The following NAV3 variants were observed in gnomAD, a reference collection of about 807,000 sequenced individuals.
NAV3 encodes the protein neuron navigator 3.
Under a neutral mutation model 244.7 loss-of-function variants are expected in NAV3, and 87 were observed. The observed-to-expected ratio is 0.36, with a 90% CI of 0.30 to 0.42. The LOEUF (loss-of-function observed/expected upper bound fraction) is 0.42. NAV3 is among the 20% of genes least tolerant of loss of function. The probability of loss-of-function intolerance (pLI) is 1.00; values close to 1 mark genes in which losing one functional copy is unlikely to be tolerated. For missense variants in NAV3, 2,663 were observed against 2,893.3 expected (o/e 0.92, Z 1.83); for synonymous variants, 1,126 against 1,042.2 (o/e 1.08, Z -1.55).
At chr12:77,888,265 A>G (rs959819763) in intron 1 of NAV3, among the ~76,000 whole-genome samples, 1 of 152,056 alleles carries the variant, frequency 6.6e-6, no homozygotes, top group Non-Finnish European at 1.5e-5. Flanking sequence ...CAGGGGGATT[A>G]CTTGAGACCA....
intron 2 of NAV3, among the ~76,000 whole-genome samples, chr12:77,609,771 G>A (rs963020165): frequency 6.6e-5 from 10 of 151,992 alleles, no homozygotes; most frequent in African/African-American, 2.4e-4. Flanking sequence ...CCATCATTCA[G>A]ATACTGCCTT....
intron 18 of NAV3, among the ~76,000 whole-genome samples, chr12:78,131,970 C>A (rs1235777676): frequency 1.3e-5 from 2 of 152,132 alleles, no homozygotes; most frequent in Non-Finnish European, 2.9e-5. Flanking sequence ...AAAAGACATT[C>A]ACAGATTGTG....
At chr12:77,632,256 G>T (rs983270410) in intron 2 of NAV3, among the ~76,000 whole-genome samples, 3 of 152,086 alleles carry the variant, frequency 2.0e-5, no homozygotes, top group African/African-American at 7.2e-5. Context: ...TTGTAAAAAA[G>T]TTTAATATTA....
At chr12:78,129,576 ATAAT>A (rs1187958690) in intron 18 of NAV3, among the ~76,000 whole-genome samples, 1 of 152,204 alleles carries the variant, frequency 6.6e-6, no homozygotes, top group Non-Finnish European at 1.5e-5. Flanking sequence ...GAGTAACAAA[ATAAT>A]TAAAGAAAAC....
intron 38 of NAV3, among the ~76,000 whole-genome samples, chr12:78,201,457 C>T (rs551520133): frequency 1.3e-5 from 2 of 152,008 alleles, no homozygotes; most frequent in Non-Finnish European, 2.9e-5. Context: ...GTCTTTTGAT[C>T]TATGACAGAT....
intron 2 of NAV3, among the ~76,000 whole-genome samples, chr12:77,685,849 A>G (rs2137134491): frequency 6.6e-6 from 1 of 152,352 alleles, no homozygotes; most frequent in East Asian, 1.9e-4. Context: ...AACACAATGA[A>G]TACATTTTGC....
chr12:77,751,791 A>G (rs965649448), intron 2 of NAV3, among the ~76,000 whole-genome samples: 5 of 152,224 alleles, frequency 3.3e-5, no homozygotes, highest in South Asian at 4.1e-4. Context: ...AAATTACACA[A>G]TACAATTTAC....
intron 2 of NAV3, among the ~76,000 whole-genome samples, chr12:77,592,615 C>A (rs916924711): frequency 6.6e-6 from 1 of 152,148 alleles, no homozygotes; most frequent in African/African-American, 2.4e-5. Context: ...CATATTATGT[C>A]CTGCAGCTTA....
chr12:78,160,749 T>C (rs1333465168), intron 23 of NAV3, among the ~76,000 whole-genome samples: 1 of 152,076 alleles, frequency 6.6e-6, no homozygotes, highest in African/African-American at 2.4e-5. Flanking sequence ...ATATTCTCCG[T>C]ATACCCTGCC....
In NAV3 at chr12:77,789,939, C is replaced by T. The variant is rs574252614; in HGVS notation, c.73-150380C>T. ...TGCCACATTCAAAGCTGTCCTGGGC[C>T]GAATGTGGGTGGCAGGTTGGAAAAC... On this transcript the variant is annotated intron_variant, in intron 2 of 8. Transcript: ENST00000550042. Among the ~76,000 whole-genome samples, 10 of 151,900 alleles carry T rather than the reference C, an allele frequency of 6.6e-5. No homozygotes were observed. In the South Asian group the frequency reaches 8.3e-4, roughly 13 times the overall value.
In NAV3 at chr12:77,966,416, T is replaced by C. The variant is rs970201060; in HGVS notation, c.487+115T>C. ...CGTCTCCTTAATATGATAAAGGAAA[T>C]TGGTGAAGTCTTCAAGACAACCGAA... On this transcript the variant is annotated intron_variant, in intron 4 of 39. Coordinates refer to ENST00000397909, the MANE Select transcript of NAV3 (RefSeq NM_001024383.2). 21 of 822,680 alleles carry C rather than the reference T, an allele frequency of 2.6e-5. No homozygotes were observed. In the African/African-American group the frequency reaches 3.3e-4, roughly 13 times the overall value. The allele number at this position is 822,680 out of a possible 1,614,324, so 51.0% of individuals were successfully genotyped here. A position where few individuals can be genotyped will look rare whatever the true frequency, so the allele number is the denominator to read the frequency against.
intron 1 of NAV3, among the ~76,000 whole-genome samples, chr12:77,873,503 A>G (rs1223144034): frequency 6.6e-6 from 1 of 151,472 alleles, no homozygotes; most frequent in Non-Finnish European, 1.5e-5. Flanking sequence ...TCATAATTTG[A>G]CTATTTTAAT....
chr12:78,042,351 G>T (rs563772235), intron 9 of NAV3, among the ~76,000 whole-genome samples: 7 of 152,242 alleles, frequency 4.6e-5, no homozygotes, highest in African/African-American at 1.7e-4. Flanking sequence ...AAACATTTTG[G>T]GTTTAGATGC....
At chr12:77,637,208 CAA>C (rs111499697) in intron 2 of NAV3, among the ~76,000 whole-genome samples, 6 of 147,062 alleles carry the variant, frequency 4.1e-5, no homozygotes, top group Admixed American at 3.4e-4. Flanking sequence ...ATGCTTGTGA[CAA>C]AAAAAAAATG....
chr12:77,653,226 G>A (rs1334986367), intron 2 of NAV3, among the ~76,000 whole-genome samples: 2 of 152,214 alleles, frequency 1.3e-5, no homozygotes, highest in Non-Finnish European at 2.9e-5. Flanking sequence ...TGCTTTGGCT[G>A]TTCAAGAGCA....
intron 1 of NAV3, among the ~76,000 whole-genome samples, chr12:77,901,994 G>A (rs906960712): frequency 6.6e-6 from 1 of 152,114 alleles, no homozygotes. Context: ...GAAGATATAG[G>A]AATTTAATAA....
chr12:77,898,759 C>T (rs1315445406), intron 1 of NAV3, among the ~76,000 whole-genome samples: 1 of 152,178 alleles, frequency 6.6e-6, no homozygotes, highest in Non-Finnish European at 1.5e-5. Context: ...TCAACTCTCA[C>T]TCTAAGAAAT....
At chr12:77,930,832 G>A (rs1318010799) in intron 1 of NAV3, among the ~76,000 whole-genome samples, 2 of 152,148 alleles carry the variant, frequency 1.3e-5, no homozygotes, top group African/African-American at 4.8e-5. Context: ...ATTTGAGATT[G>A]AAAATCAATT....
At chr12:77,594,123 A>G (rs1870055973) in intron 2 of NAV3, among the ~76,000 whole-genome samples, 2 of 152,156 alleles carry the variant, frequency 1.3e-5, no homozygotes, top group African/African-American at 4.8e-5. Flanking sequence ...ACCCTAATAA[A>G]TTTCACATCT....
Sources: gnomAD v4.1 joint callset for allele counts (sites outside exome capture counted in the v4.1 genomes callset) on GRCh38, gnomAD v4.1.1 for gene constraint, MANE v1.5 for transcripts, NCBI Gene and HGNC (gene_info 2026-07-23, HGNC 2026-07-21) for gene names.